Variants in RSPO2 observed in about 807,000 individuals in gnomAD.
RSPO2 encodes R-spondin 2.
In RSPO2, 14 loss-of-function variants were observed where a neutral mutation model predicts 30.9. That is an observed-to-expected ratio of 0.45 (90% CI 0.30 to 0.71). The LOEUF (loss-of-function observed/expected upper bound fraction) is 0.71. Ranked by LOEUF, RSPO2 falls within the 30% of genes least tolerant of loss-of-function variation. The probability of loss-of-function intolerance (pLI) is 0.08; values close to 1 mark genes in which losing one functional copy is unlikely to be tolerated. For missense variants in RSPO2, 264 were observed against 301.9 expected (o/e 0.87, Z 0.93); for synonymous variants, 107 against 96.4 (o/e 1.11, Z -0.64).
chr8:107,956,060 G>A (rs1813424590), intron 5 of RSPO2, among the ~76,000 whole-genome samples: 1 of 152,180 alleles, frequency 6.6e-6, no homozygotes, highest in Non-Finnish European at 1.5e-5. Flanking sequence ...CTGAGGCAAG[G>A]TAGGATACTC....
At chr8:107,948,993 T>C (rs140222689) in intron 5 of RSPO2, among the ~76,000 whole-genome samples, 126 of 151,646 alleles carry the variant, frequency 8.3e-4, no homozygotes, top group Middle Eastern at 3.4e-3. Context: ...TCAAATTTTA[T>C]TGCATATTAG....
chr8:108,021,462 C>T (rs1456223198), intron 2 of RSPO2, among the ~76,000 whole-genome samples: 1 of 152,172 alleles, frequency 6.6e-6, no homozygotes, highest in East Asian at 1.9e-4. Context: ...CATTCCTTTT[C>T]AGTTTAAAGC....
At chr8:108,056,102 G>A (rs1364691005) in intron 2 of RSPO2, among the ~76,000 whole-genome samples, 2 of 152,156 alleles carry the variant, frequency 1.3e-5, no homozygotes, top group African/African-American at 4.8e-5. Context: ...AACTATGCTT[G>A]CCTGCAGAGA....
intron 2 of RSPO2, among the ~76,000 whole-genome samples, chr8:108,044,011 A>G (rs1811835355): frequency 6.6e-6 from 1 of 152,124 alleles, no homozygotes; most frequent in Non-Finnish European, 1.5e-5. Context: ...TTCTAGCACA[A>G]TGCCTGATAC....
chr8:107,977,277 G>A (rs74807100), intron 3 of RSPO2, among the ~76,000 whole-genome samples: 3,821 of 152,292 alleles, frequency 0.025, 74 homozygotes, highest in Non-Finnish European at 0.038. Flanking sequence ...CGGTAGCAGT[G>A]ATTCTTAAAG....
chr8:107,902,155 G>A (rs1032505677), intron 5 of RSPO2, among the ~76,000 whole-genome samples: 6 of 152,058 alleles, frequency 3.9e-5, no homozygotes, highest in Admixed American at 3.9e-4. Context: ...AGGATTTTTA[G>A]AACAGAAAAG....
chr8:108,007,632 A>T (rs1815493513), intron 2 of RSPO2, among the ~76,000 whole-genome samples: 1 of 152,184 alleles, frequency 6.6e-6, no homozygotes, highest in Non-Finnish European at 1.5e-5. Flanking sequence ...GGCAAACAGA[A>T]CTTGATACTG....
At position 107,967,083 on chromosome 8, in the gene RSPO2, C is replaced by G. The variant is rs114080990; in HGVS notation, c.284-6266G>C. On this transcript the variant is annotated intron_variant, in intron 3 of 5. Transcript: ENST00000276659. The stretch of plus-strand genomic sequence containing the variant: ...CAAAAACAGGGCATTTATTTAGTCC[C>G]CACATAGTAGATGAAAGGATCAAAG... Among the ~76,000 whole-genome samples, 1,174 of 152,178 alleles carry G rather than the reference C, an allele frequency of 7.7e-3. 18 individuals carry two copies. Among genetic ancestry groups the G allele is most frequent in the African/African-American group, 0.027 (1,124 of 41,542 alleles).
intron 5 of RSPO2, among the ~76,000 whole-genome samples, chr8:107,948,863 AAAAAAAT>A (rs1249545796): frequency 8.8e-6 from 1 of 114,132 alleles, no homozygotes; most frequent in Non-Finnish European, 2.0e-5. Context: ...CCATCTCAAA[AAAAAAAT>A]AAATAAATAA....
rs565854482 is a variant in RSPO2 at position 108,063,030 on chromosome 8, C to G, written c.94+19515G>C. Among the ~76,000 whole-genome samples the G allele has an allele frequency of 5.9e-5, 9 of 151,340 alleles. No homozygotes were observed. In the South Asian group the frequency reaches 1.9e-3, roughly 31 times the overall value. Reference sequence around the variant, plus strand: ...TAAATTAGGTATTGATAGGAAGTATCTCAAAATAATAAGAGCTATTTATGA... The same window carrying G: ...TAAATTAGGTATTGATAGGAAGTATGTCAAAATAATAAGAGCTATTTATGA... On this transcript the variant is annotated intron_variant, in intron 2 of 5. Coordinates refer to ENST00000276659, the MANE Select transcript of RSPO2 (RefSeq NM_178565.5).
intron 2 of RSPO2, among the ~76,000 whole-genome samples, chr8:108,017,320 T>C (rs1344982400): frequency 1.3e-5 from 2 of 152,180 alleles, no homozygotes; most frequent in Admixed American, 6.6e-5. Context: ...CCTGGCCAGA[T>C]ATTTCTTTAC....
intron 2 of RSPO2, among the ~76,000 whole-genome samples, chr8:108,072,319 CTTTTTTT>C (rs34402426): frequency 8.3e-5 from 7 of 84,274 alleles, no homozygotes; most frequent in African/African-American, 1.4e-4. Flanking sequence ...TGGCAGAGAA[CTTTTTTT>C]TTTTTTTTTT....
At chr8:108,027,117 C>T (rs1382312356) in intron 2 of RSPO2, among the ~76,000 whole-genome samples, 1 of 152,158 alleles carries the variant, frequency 6.6e-6, no homozygotes, top group East Asian at 1.9e-4. Context: ...CATCAGATTT[C>T]TACATCACTT....
At chr8:108,055,749 G>A (rs1196143264) in intron 2 of RSPO2, among the ~76,000 whole-genome samples, 2 of 152,040 alleles carry the variant, frequency 1.3e-5, no homozygotes, top group Non-Finnish European at 2.9e-5. Context: ...TAAGGGAGAT[G>A]TTTATTTTTA....
chr8:107,904,337 A>G (rs114551219), intron 5 of RSPO2, among the ~76,000 whole-genome samples: 411 of 151,010 alleles, frequency 2.7e-3, no homozygotes, highest in African/African-American at 9.5e-3. Flanking sequence ...GACTTGGAAT[A>G]GATACTGCCC....
intron 3 of RSPO2, among the ~76,000 whole-genome samples, chr8:107,968,289 C>A (rs1293332509): frequency 1.3e-5 from 2 of 152,062 alleles, no homozygotes; most frequent in African/African-American, 4.8e-5. Context: ...GAAATCCTGT[C>A]ATTTCCAGTG....
At chr8:108,079,198 G>A (rs1813109278) in intron 2 of RSPO2, among the ~76,000 whole-genome samples, 1 of 152,080 alleles carries the variant, frequency 6.6e-6, no homozygotes, top group Admixed American at 6.6e-5. Context: ...AAAAATAAGA[G>A]TTATTAATCA....
At chr8:108,060,681 G>A (rs906960046) in intron 2 of RSPO2, among the ~76,000 whole-genome samples, 1 of 151,688 alleles carries the variant, frequency 6.6e-6, no homozygotes, top group African/African-American at 2.4e-5. Flanking sequence ...GAAATACAGA[G>A]AACGCCACAA....
chr8:108,003,289 ATATATATATATATATATATATATTT>A (rs1178297694), intron 2 of RSPO2, among the ~76,000 whole-genome samples: 67 of 24,620 alleles, frequency 2.7e-3, no homozygotes, highest in Non-Finnish European at 3.8e-3. Flanking sequence ...ATATATATAT[ATATATATATATATATATATATATTT>A]TTTTTTTTTT....
Sources: gnomAD v4.1 joint callset for allele counts (sites outside exome capture counted in the v4.1 genomes callset) on GRCh38, gnomAD v4.1.1 for gene constraint, MANE v1.5 for transcripts, NCBI Gene and HGNC (gene_info 2026-07-23, HGNC 2026-07-21) for gene names.